The following KMT5A variants were observed in gnomAD, a reference collection of about 807,000 sequenced individuals.
KMT5A encodes N-lysine methyltransferase KMT5A.
Under a neutral mutation model 40.6 loss-of-function variants are expected in KMT5A, and 6 were observed. That is an observed-to-expected ratio of 0.15 (90% CI 0.08 to 0.29). The LOEUF (loss-of-function observed/expected upper bound fraction) is 0.29, where lower values mean the gene tolerates loss of function less well. Among genes scored for constraint, KMT5A ranks in the 10% least tolerant of loss-of-function variants. The probability of loss-of-function intolerance (pLI) is 1.00; values close to 1 mark genes in which losing one functional copy is unlikely to be tolerated. For synonymous variants in KMT5A, 153 were observed against 178.8 expected, an observed-to-expected ratio of 0.86 and a Z score of 1.15; for missense variants, 308 against 459.1, an observed-to-expected ratio of 0.67 and a Z score of 3.01.
At chr12:123,397,513 G>A (rs1877821784) in intron 5 of KMT5A, among the ~76,000 whole-genome samples, 2 of 152,090 alleles carry the variant, frequency 1.3e-5, no homozygotes, top group Non-Finnish European at 2.9e-5. Flanking sequence ...TTTAATTGAT[G>A]AAGCTTCATT....
chr12:123,397,917 C>G (rs1364364195), intron 5 of KMT5A, among the ~76,000 whole-genome samples: 1 of 151,400 alleles, frequency 6.6e-6, no homozygotes, highest in African/African-American at 2.4e-5. Context: ...GGGTGATCCG[C>G]CCACCTCAGC....
intron 2 of KMT5A, chr12:123,389,963 C>A: frequency 2.3e-6 from 1 of 432,434 alleles, no homozygotes; most frequent in South Asian, 1.6e-5. Context: ...CAGAGGCGCC[C>A]GCAGTGACCT....
At position 123,408,564 on chromosome 12, in the gene KMT5A, TGC is replaced by T. The variant is rs1878753905; in HGVS notation, c.*862_*863del. On this transcript the variant is annotated 3_prime_UTR_variant, in exon 8 of 8. Coordinates refer to ENST00000402868, the MANE Select transcript of KMT5A (RefSeq NM_020382.7). ...TAGGTCTTGAAGTGAGTGAAGTGGC[TGC>T]TTTTTTTTTTTTTTTTTTTTGCTTT... 1 of 138,386 alleles carries T rather than the reference TGC, an allele frequency of 7.2e-6. No homozygotes were observed. Among genetic ancestry groups the T allele is most frequent in the East Asian group, 2.1e-4 (1 of 4,726 alleles). The allele number at this position is 138,386 out of a possible 1,614,324, so 8.6% of individuals were successfully genotyped here.
chr12:123,392,824 T>A (rs1219809921), intron 3 of KMT5A, among the ~76,000 whole-genome samples: 2 of 152,152 alleles, frequency 1.3e-5, no homozygotes, highest in Non-Finnish European at 2.9e-5. Context: ...TCTCTCTGAT[T>A]TCACCCAGGA....
At chr12:123,390,547 C>T (rs932450371) in intron 2 of KMT5A, 83 bp from the exon 3 acceptor site, 133 of 1,520,528 alleles carry the variant, frequency 8.7e-5, no homozygotes, top group Non-Finnish European at 1.2e-4. Flanking sequence ...GTCTGATTTT[C>T]ATCTTTTGTA....
At chr12:123,391,690 C>T (rs990186006) in intron 3 of KMT5A, among the ~76,000 whole-genome samples, 1 of 152,260 alleles carries the variant, frequency 6.6e-6, no homozygotes, top group African/African-American at 2.4e-5. Flanking sequence ...CCTTTCAAAG[C>T]TGCAGTGGGG....
At chr12:123,388,621 A>T (rs1234365121) in intron 1 of KMT5A, 2 of 143,332 alleles carry the variant, frequency 1.4e-5, no homozygotes, top group Non-Finnish European at 3.1e-5. Flanking sequence ...TGCCTGTGAA[A>T]CTCTCGGTGG....
chr12:123,394,641 A>G (rs1227747395), intron 3 of KMT5A, among the ~76,000 whole-genome samples: 1 of 152,108 alleles, frequency 6.6e-6, no homozygotes, highest in Non-Finnish European at 1.5e-5. Context: ...CTCTTGGGGA[A>G]GAGTTTCTGC....
intron 4 of KMT5A, 79 bp from the exon 5 acceptor site, chr12:123,396,251 CTGTGTGCCTCCTCGG>C: frequency 8.8e-7 from 1 of 1,141,284 alleles, no homozygotes; most frequent in Non-Finnish European, 1.3e-6. Context: ...CTCCAAGGAG[CTGTGTGCCTCCTCGG>C]TGTGTGCCTT....
rs542859408 is a variant in KMT5A, at chr12:123,396,968, A to G, written c.597+536A>G. ...AGTACCTGCTAGAGCTGTGGTGAGC[A>G]TTCAATAAATGTGGTCATGCAAGAG... On this transcript the variant is annotated intron_variant, in intron 5 of 7. Coordinates refer to ENST00000402868, the MANE Select transcript of KMT5A (RefSeq NM_020382.7). Among the ~76,000 whole-genome samples, 3 of 152,338 alleles carry G rather than the reference A, an allele frequency of 2.0e-5. No individual in the cohort carries two copies. The East Asian group carries it at 5.8e-4, about 29-fold the overall frequency.
chr12:123,405,131 C>G, intron 7 of KMT5A, 57 bp downstream of exon 7: 4 of 1,480,542 alleles, frequency 2.7e-6, no homozygotes, highest in Non-Finnish European at 2.7e-6. Context: ...GAGGAGAGGC[C>G]AAAGGGCCAG....
chr12:123,407,580 C>T lies in KMT5A; in HGVS notation c.936C>T (p.Ile312=), dbSNP rs146972556. ...ACTGCCAAACCAAACTGCACGACATCGACGGCGTACCTCACCTCATCCTCA... is the reference window on the plus strand; with the variant it reads ...ACTGCCAAACCAAACTGCACGACATTGACGGCGTACCTCACCTCATCCTCA... ...CGNCQTKLHD[I]DGVPHLILIA... Residue 312 remains isoleucine (I), a synonymous_variant, in exon 8 of 8, where the codon ATC becomes ATT. Transcript: ENST00000402868. 5.5e-5 allele frequency: 88 copies of T among 1,613,764 alleles called. 1 individual carries two copies. Among genetic ancestry groups the T allele is most frequent in the East Asian group, 1.1e-4 (5 of 44,884 alleles).
chr12:123,391,671 C>T (rs1031553384), intron 3 of KMT5A, among the ~76,000 whole-genome samples: 1 of 152,208 alleles, frequency 6.6e-6, no homozygotes, highest in African/African-American at 2.4e-5. Context: ...TGCTCTAATC[C>T]AAATATTCCC....
At chr12:123,389,203 C>G (rs1286616661) in intron 1 of KMT5A, 23 of 130,972 alleles carry the variant, frequency 1.8e-4, no homozygotes, top group Non-Finnish European at 3.3e-4. Context: ...CGGGCCCGGC[C>G]GCGCGGGGGG....
In KMT5A at chr12:123,384,333, C is replaced by A; in HGVS notation, c.10+125C>A. ...GGGTGGCTCGGGGCAAGCTTGGGGA[C>A]CCGCGTGGGGGGAGAGGGGGTGCTG... On this transcript the variant is annotated intron_variant, in intron 1 of 7. Transcript: ENST00000402868. This position sits in a 1 kb window ranked among gnomAD's most constrained non-coding sequence, Gnocchi z 5.7. 1.5e-6 allele frequency: 2 copies of A among 1,349,724 alleles called. No individual in the cohort carries two copies. Among genetic ancestry groups the A allele is most frequent in the Non-Finnish European group, 2.0e-6 (2 of 980,558 alleles). 83.6% of individuals were successfully genotyped at this position (1,349,724 alleles called of 1,614,324 possible). A position where few individuals can be genotyped will look rare whatever the true frequency, so the allele number is the denominator to read the frequency against.
Position 123,384,256 on chromosome 12 carries a change from G to T in KMT5A, c.10+48G>T. On this transcript the variant is annotated intron_variant, in intron 1 of 7. Coordinates refer to ENST00000402868, the MANE Select transcript of KMT5A (RefSeq NM_020382.7). This position sits in a 1 kb window ranked among gnomAD's most constrained non-coding sequence, Gnocchi z 5.7. ...CCGGAGCGGCTGGGTCGGGGGTCGTGCTGGAGGGGTTGCCGGGGTGGAGGC... is the reference window on the plus strand; with the variant it reads ...CCGGAGCGGCTGGGTCGGGGGTCGTTCTGGAGGGGTTGCCGGGGTGGAGGC... 6.2e-7 allele frequency: 1 copy of T among 1,607,884 alleles called. No homozygotes were observed.
At chr12:123,387,551 T>G (rs2139154155) in intron 1 of KMT5A, among the ~76,000 whole-genome samples, 1 of 152,322 alleles carries the variant, frequency 6.6e-6, no homozygotes, top group Non-Finnish European at 1.5e-5. Context: ...CTTTTGGATA[T>G]TCAACTGTAG....
Position 123,397,348 on chromosome 12 carries a change from G to A in KMT5A, c.597+916G>A, listed in dbSNP as rs565261924. Among the ~76,000 whole-genome samples, 54 of 152,358 alleles carry A rather than the reference G, an allele frequency of 3.5e-4. No homozygotes were observed. In the Middle Eastern group the frequency reaches 0.014, roughly 38 times the overall value. ...CTCCCTCACCCCCACAGTGACCACC[G>A]GGTTGGGAGAGGTGCTCAGGATTGC... On this transcript the variant is annotated intron_variant, in intron 5 of 7. Transcript: ENST00000402868.
intron 3 of KMT5A, among the ~76,000 whole-genome samples, chr12:123,393,240 T>C (rs925983196): frequency 1.3e-5 from 2 of 152,194 alleles, no homozygotes; most frequent in South Asian, 2.1e-4. Context: ...ATAACGTTCA[T>C]GTTAAAGCGT....
Sources: allele counts gnomAD v4.1 joint callset (sites outside exome capture counted in the v4.1 genomes callset), GRCh38; gene constraint gnomAD v4.1.1; non-coding constraint Gnocchi (gnomAD v3.1); transcripts MANE v1.5; gene names NCBI Gene and HGNC (gene_info 2026-07-23, HGNC 2026-07-21).